CNTNAP2: variants seen among roughly 807,000 people sequenced by gnomAD.
CNTNAP2 encodes contactin-associated protein-like 2.
Under a neutral mutation model 155.2 loss-of-function variants are expected in CNTNAP2, and 98 were observed. That is an observed-to-expected ratio of 0.63 (90% CI 0.54 to 0.75). The LOEUF (loss-of-function observed/expected upper bound fraction) is 0.75. Among genes scored for constraint, CNTNAP2 ranks in the 30% least tolerant of loss-of-function variants. The probability of loss-of-function intolerance (pLI) is 0.00; values close to 1 mark genes in which losing one functional copy is unlikely to be tolerated. For missense variants in CNTNAP2, 1,727 were observed against 1,688.1 expected (o/e 1.02, Z -0.40); for synonymous variants, 651 against 631.2 (o/e 1.03, Z -0.47).
At position 146,456,819 on chromosome 7, in the gene CNTNAP2, C is replaced by T. The variant is rs148871658; in HGVS notation, c.98-317452C>T. On this transcript the variant is annotated intron_variant, in intron 1 of 23. Coordinates refer to ENST00000361727, the MANE Select transcript of CNTNAP2 (RefSeq NM_014141.6). ...TTCAGCTGAATGTGGATGATTTATG[C>T]TTCTATACATGCAACAGCCCATTTG... 6.5e-3 allele frequency among the ~76,000 whole-genome samples: 987 copies of T among 152,136 alleles called. 4 individuals are homozygous for T. Among genetic ancestry groups the T allele is most frequent in the Non-Finnish European group, 9.8e-3 (667 of 67,986 alleles).
intron 1 of CNTNAP2, among the ~76,000 whole-genome samples, chr7:146,204,903 A>G (rs1417263783): frequency 2.0e-5 from 3 of 152,162 alleles, no homozygotes; most frequent in East Asian, 1.9e-4. Context: ...ACATGGGAAC[A>G]TTACATAAAA....
At chr7:148,119,030 G>A (rs1345827199) in intron 16 of CNTNAP2, among the ~76,000 whole-genome samples, 2 of 152,108 alleles carry the variant, frequency 1.3e-5, no homozygotes, top group Non-Finnish European at 1.5e-5. Flanking sequence ...AAACATCAGG[G>A]CCCCAATTCA....
At chr7:146,297,652 A>G (rs28473433) in intron 1 of CNTNAP2, among the ~76,000 whole-genome samples, 13,061 of 152,140 alleles carry the variant, frequency 0.086, 1,563 homozygotes, top group African/African-American at 0.27. Flanking sequence ...GGTAATAACT[A>G]TCAGAGAGTT....
At chr7:148,265,586 T>C (rs1218112566) in intron 20 of CNTNAP2, among the ~76,000 whole-genome samples, 2 of 152,234 alleles carry the variant, frequency 1.3e-5, no homozygotes, top group African/African-American at 4.8e-5. Flanking sequence ...GTTTTGTTAA[T>C]GATGCATTTG....
intron 13 of CNTNAP2, among the ~76,000 whole-genome samples, chr7:147,732,388 AG>A (rs2116468778): frequency 6.6e-6 from 1 of 152,280 alleles, no homozygotes; most frequent in South Asian, 2.1e-4. Flanking sequence ...ATGGCTGCAT[AG>A]TATTCCATGG....
chr7:146,420,738 A>G (rs749632524), intron 1 of CNTNAP2, among the ~76,000 whole-genome samples: 1 of 152,050 alleles, frequency 6.6e-6, no homozygotes, highest in Non-Finnish European at 1.5e-5. Context: ...AAAAGTATGT[A>G]ATGTATTCAT....
intron 12 of CNTNAP2, among the ~76,000 whole-genome samples, chr7:147,601,848 G>A (rs559862625): frequency 6.6e-6 from 1 of 151,470 alleles, no homozygotes. Flanking sequence ...TTAATTTTTA[G>A]ATTCAATCTT....
At chr7:148,181,889 C>T (rs1208764928) in intron 18 of CNTNAP2, among the ~76,000 whole-genome samples, 1 of 151,536 alleles carries the variant, frequency 6.6e-6, no homozygotes, top group African/African-American at 2.4e-5. Flanking sequence ...TCCCGAGTAG[C>T]TGGGACTACA....
At position 147,078,136 on chromosome 7, in the gene CNTNAP2, A is replaced by G. The variant is rs570056062; in HGVS notation, c.551-30011A>G. 1.1e-4 allele frequency among the ~76,000 whole-genome samples: 17 copies of G among 152,326 alleles called. No individual in the cohort carries two copies. In the South Asian group the frequency reaches 1.4e-3, roughly 13 times the overall value. On this transcript the variant is annotated intron_variant, in intron 4 of 23. Coordinates refer to ENST00000361727, the MANE Select transcript of CNTNAP2 (RefSeq NM_014141.6). Reference sequence around the variant, plus strand: ...TGATAGATATTTTTCATCAGCACAAAGAGAGGATCGCAATACATATAAGAC... The same window carrying G: ...TGATAGATATTTTTCATCAGCACAAGGAGAGGATCGCAATACATATAAGAC...
At chr7:146,151,682 G>GTATATATATATATATA in intron 1 of CNTNAP2, among the ~76,000 whole-genome samples, 1 of 74,140 alleles carries the variant, frequency 1.3e-5, no homozygotes, top group East Asian at 8.9e-4. Flanking sequence ...ATATATATAT[G>GTATATATATATATATA]TATATATATA....
At chr7:147,551,531 T>C (rs1394283858) in intron 11 of CNTNAP2, among the ~76,000 whole-genome samples, 1 of 152,192 alleles carries the variant, frequency 6.6e-6, no homozygotes, top group East Asian at 1.9e-4. Context: ...CATTTAGCAA[T>C]CATAGCAATA....
chr7:147,622,293 G>A (rs982443971), intron 12 of CNTNAP2, among the ~76,000 whole-genome samples: 8 of 151,826 alleles, frequency 5.3e-5, no homozygotes, highest in East Asian at 1.9e-4. Context: ...TGAATTTAAC[G>A]CATATTTATA....
chr7:147,991,687 A>C (rs1038032148), intron 15 of CNTNAP2, among the ~76,000 whole-genome samples: 1 of 152,210 alleles, frequency 6.6e-6, no homozygotes, highest in African/African-American at 2.4e-5. Context: ...AATCTAAATT[A>C]GATTAACCCC....
chr7:148,322,356 G>A (rs899556200), intron 21 of CNTNAP2, among the ~76,000 whole-genome samples: 1 of 152,164 alleles, frequency 6.6e-6, no homozygotes, highest in Non-Finnish European at 1.5e-5. Flanking sequence ...CACTCTGAGG[G>A]AAACTCGAGA....
intron 13 of CNTNAP2, among the ~76,000 whole-genome samples, chr7:147,790,343 C>T (rs1797801119): frequency 6.6e-6 from 1 of 152,122 alleles, no homozygotes; most frequent in Non-Finnish European, 1.5e-5. Context: ...GCAGGAGGAG[C>T]TTGGCTTTGC....
At chr7:147,759,181 G>A (rs985314331) in intron 13 of CNTNAP2, among the ~76,000 whole-genome samples, 16 of 152,156 alleles carry the variant, frequency 1.1e-4, no homozygotes, top group African/African-American at 3.9e-4. Flanking sequence ...TTAGATCCAG[G>A]TTGTTACTGA....
intron 13 of CNTNAP2, among the ~76,000 whole-genome samples, chr7:147,680,112 G>A (rs1795925596): frequency 6.6e-6 from 1 of 151,652 alleles, no homozygotes; most frequent in Non-Finnish European, 1.5e-5. Context: ...AGGGCAATAT[G>A]GATATTTTAT....
At chr7:146,878,232 A>G (rs894903702) in intron 3 of CNTNAP2, among the ~76,000 whole-genome samples, 3 of 152,156 alleles carry the variant, frequency 2.0e-5, no homozygotes, top group Non-Finnish European at 4.4e-5. Flanking sequence ...GACTTCTGTC[A>G]GTGACATTAA....
At chr7:146,796,995 G>T (rs547170018) in intron 2 of CNTNAP2, among the ~76,000 whole-genome samples, 1 of 152,166 alleles carries the variant, frequency 6.6e-6, no homozygotes, top group African/African-American at 2.4e-5. Context: ...ACTTAGCCAG[G>T]CATGGTGGCG....
Sources: gnomAD v4.1 joint callset for allele counts (sites outside exome capture counted in the v4.1 genomes callset) on GRCh38, gnomAD v4.1.1 for gene constraint, MANE v1.5 for transcripts, NCBI Gene and HGNC (gene_info 2026-07-23, HGNC 2026-07-21) for gene names.